INTS9: variants seen among roughly 807,000 people sequenced by gnomAD.
INTS9 encodes the protein protein related to CPSF subunits of 74 kDa.
In INTS9, 55 loss-of-function variants were observed where a neutral mutation model predicts 79.7. The observed-to-expected ratio is 0.69, with a 90% CI of 0.56 to 0.86. The LOEUF is 0.86. Among genes scored for constraint, INTS9 ranks in the 40% least tolerant of loss-of-function variants. The pLI is 0.00. For synonymous variants in INTS9, 319 were observed against 325.2 expected (o/e 0.98, Z 0.20); for missense variants, 721 against 831.5 (o/e 0.87, Z 1.64).
At chr8:28,857,296 C>T (rs1278980693) in intron 2 of INTS9, among the ~76,000 whole-genome samples, 3 of 152,122 alleles carry the variant, frequency 2.0e-5, no homozygotes, top group African/African-American at 7.2e-5. Flanking sequence ...AAAGAAGGGT[C>T]ACAGAGGTAA....
intron 10 of INTS9, among the ~76,000 whole-genome samples, chr8:28,792,912 C>A (rs1166710476): frequency 2.1e-3 from 280 of 132,394 alleles, no homozygotes; most frequent in African/African-American, 2.2e-3. Context: ...GACTCCGTCT[C>A]AAAAAAAAAA....
At position 28,859,581 on chromosome 8, in the gene INTS9, A is replaced by C; in HGVS notation, c.10-18T>G. On this transcript the variant is annotated intron_variant, in intron 1 of 16. Transcript: ENST00000521022. Reference sequence around the variant, plus strand: ...AGGCAATACTGAAAAAAATTAAATCACTTTGATCAGTAATCAATTACAGAA... The same window carrying C: ...AGGCAATACTGAAAAAAATTAAATCCCTTTGATCAGTAATCAATTACAGAA... 6.2e-7 allele frequency: 1 copy of C among 1,613,400 alleles called. No homozygotes were observed. Among genetic ancestry groups the C allele is most frequent in the East Asian group, 2.2e-5 (1 of 44,866 alleles).
intron 6 of INTS9, among the ~76,000 whole-genome samples, chr8:28,831,227 G>A (rs753700923): frequency 8.4e-4 from 128 of 152,278 alleles, no homozygotes; most frequent in African/African-American, 2.8e-3. Context: ...CAAACACCGC[G>A]TGTTCTCACT....
At chr8:28,813,218 T>C (rs1336251868) in intron 7 of INTS9, among the ~76,000 whole-genome samples, 1 of 152,142 alleles carries the variant, frequency 6.6e-6, no homozygotes, top group Non-Finnish European at 1.5e-5. Flanking sequence ...GTTTCACCCA[T>C]CCAAAATCTA....
rs549306748 is a variant in INTS9, at chr8:28,826,249, C to T, written c.488+9043G>A. Among the ~76,000 whole-genome samples the T allele has an allele frequency of 1.2e-4, 18 of 152,166 alleles. 1 individual carries two copies. The South Asian group carries it at 3.7e-3, about 32-fold the overall frequency. ...AGCAACACTTTTTTCATTTTTGTCT[C>T]CTCAGCACTGAGCATAGTGCCCAAT... On this transcript the variant is annotated intron_variant, in intron 6 of 16. Transcript: ENST00000521022.
chr8:28,888,909 C>CT lies in INTS9; in HGVS notation c.9+964dup, dbSNP rs879643874. Among the ~76,000 whole-genome samples the CT allele has an allele frequency of 3.8e-3, 556 of 146,254 alleles. 3 individuals are homozygous for CT. Among genetic ancestry groups the CT allele is most frequent in the South Asian group, 8.2e-3 (38 of 4,640 alleles). On this transcript the variant is annotated intron_variant, in intron 1 of 16. Coordinates refer to ENST00000521022, the MANE Select transcript of INTS9 (RefSeq NM_018250.4). ...AATTATATAAATGGTAAAAAATAAA[C>CT]TTTTTTTTTTTTTGAGACAGAGTCT...
At chr8:28,877,631 C>A (rs1015757779) in intron 1 of INTS9, among the ~76,000 whole-genome samples, 10 of 152,078 alleles carry the variant, frequency 6.6e-5, no homozygotes, top group Non-Finnish European at 1.3e-4. Flanking sequence ...TTGCAAGAGA[C>A]TGGAAACAAT....
At chr8:28,784,194 C>T (rs1803454517) in intron 11 of INTS9, among the ~76,000 whole-genome samples, 1 of 152,190 alleles carries the variant, frequency 6.6e-6, no homozygotes, top group South Asian at 2.1e-4. Flanking sequence ...ACCTGAGGAA[C>T]CCTCATGGTA....
At chr8:28,813,323 G>A (rs1019878962) in intron 7 of INTS9, among the ~76,000 whole-genome samples, 169 bp downstream of exon 7, 2 of 152,156 alleles carry the variant, frequency 1.3e-5, no homozygotes, top group African/African-American at 4.8e-5. Context: ...GTGAGGGTGG[G>A]GAAAGAGCAC....
At chr8:28,794,058 A>AAAT in intron 9 of INTS9, 71 bp from the exon 10 acceptor site, 1 of 1,237,756 alleles carries the variant, frequency 8.1e-7, no homozygotes, top group Non-Finnish European at 1.1e-6. Flanking sequence ...TAAACTTGTA[A>AAAT]AATAAGATTT....
chr8:28,809,664 T>A (rs143202190), intron 8 of INTS9, among the ~76,000 whole-genome samples: 1 of 151,834 alleles, frequency 6.6e-6, no homozygotes, highest in Non-Finnish European at 1.5e-5. Flanking sequence ...ATCGCGAGAG[T>A]TGGCAACCAA....
rs1804035909 is a variant in INTS9 at position 28,793,698 on chromosome 8, T to G, written c.1037+109A>C. 4 of 1,046,906 alleles carry G rather than the reference T, an allele frequency of 3.8e-6. No homozygotes were observed. The East Asian group carries it at 1.0e-4, about 27-fold the overall frequency. The allele number at this position is 1,046,906 out of a possible 1,614,324, so 64.9% of individuals were successfully genotyped here. ...TATCACAGACAGAAAAACAACAAAA[T>G]GAAATTTCCACAGTAATGTGAGAAA... On this transcript the variant is annotated intron_variant, in intron 10 of 16. Transcript: ENST00000521022.
chr8:28,781,115 T>A (rs943664745), intron 11 of INTS9, 121 bp from the exon 12 acceptor site: 27 of 747,574 alleles, frequency 3.6e-5, no homozygotes, highest in Non-Finnish European at 5.6e-5. Flanking sequence ...AAGCCACGGA[T>A]TGGGAGAAAA....
rs1804689656 is a variant in INTS9, at chr8:28,804,435, G to A, written c.745-7780C>T. 2.0e-5 allele frequency among the ~76,000 whole-genome samples: 3 copies of A among 152,142 alleles called. No homozygotes were observed. In the South Asian group the frequency reaches 6.2e-4, roughly 31 times the overall value. On this transcript the variant is annotated intron_variant, in intron 8 of 16. Transcript: ENST00000521022. ...CCTTTTTTCTTTCCTCCGTATTACA[G>A]TTGGCAGATTGTGGAAGGTTCAATA...
chr8:28,841,560 A>AT (rs1346328691), intron 4 of INTS9, among the ~76,000 whole-genome samples: 3 of 152,180 alleles, frequency 2.0e-5, no homozygotes, highest in Non-Finnish European at 2.9e-5. Flanking sequence ...CCTCTGAGAA[A>AT]TTTAACATCC....
At chr8:28,879,437 A>G (rs1025205337) in intron 1 of INTS9, among the ~76,000 whole-genome samples, 3 of 152,208 alleles carry the variant, frequency 2.0e-5, no homozygotes, top group African/African-American at 4.8e-5. Flanking sequence ...CAGGGCATCT[A>G]TGAAAAACGT....
chr8:28,810,897 T>C (rs939183747), intron 8 of INTS9, among the ~76,000 whole-genome samples: 2 of 152,114 alleles, frequency 1.3e-5, no homozygotes, highest in African/African-American at 2.4e-5. Flanking sequence ...CATATTAAAA[T>C]AAAACCAAAA....
intron 6 of INTS9, among the ~76,000 whole-genome samples, chr8:28,828,767 C>T (rs1213231708): frequency 2.0e-5 from 3 of 151,914 alleles, no homozygotes; most frequent in East Asian, 1.9e-4. Flanking sequence ...GGCACGATCT[C>T]GGCTCACCGC....
In INTS9 at chr8:28,771,202, T is replaced by TC. The variant is rs1186743220; in HGVS notation, c.1564-123_1564-122insG. The TC allele has an allele frequency of 3.6e-6, 3 of 822,486 alleles. No homozygotes were observed. In the African/African-American group the frequency reaches 5.1e-5, roughly 14 times the overall value. 50.9% of individuals were successfully genotyped at this position (822,486 alleles called of 1,614,324 possible). ...AAATAACTTTAAAGGTAAACAATTTTTTTTTTTTTGAGATGGAGTCTTGCT... is the reference window on the plus strand; with the variant it reads ...AAATAACTTTAAAGGTAAACAATTTTCTTTTTTTTTGAGATGGAGTCTTGCT... On this transcript the variant is annotated intron_variant, in intron 14 of 16. Coordinates refer to ENST00000521022, the MANE Select transcript of INTS9 (RefSeq NM_018250.4).
Sources: allele counts gnomAD v4.1 joint callset (sites outside exome capture counted in the v4.1 genomes callset), GRCh38; gene constraint gnomAD v4.1.1; transcripts MANE v1.5; gene names NCBI Gene and HGNC (gene_info 2026-07-23, HGNC 2026-07-21).